NEK6: variants seen among roughly 807,000 people sequenced by gnomAD.
NEK6 encodes serine/threonine-protein kinase Nek6.
Under a neutral mutation model 43.5 loss-of-function variants are expected in NEK6, and 27 were observed. That is an observed-to-expected ratio of 0.62 (90% CI 0.46 to 0.86). The LOEUF (loss-of-function observed/expected upper bound fraction) is 0.86, where lower values mean the gene tolerates loss of function less well. Ranked by LOEUF, NEK6 falls within the 40% of genes least tolerant of loss-of-function variation. The pLI is 0.00. For synonymous variants in NEK6, 167 were observed against 164.1 expected (o/e 1.02, Z -0.14); for missense variants, 318 against 414.4 (o/e 0.77, Z 2.02).
chr9:124,348,563 TCA>T (rs1334013992), intron 9 of NEK6, among the ~76,000 whole-genome samples: 2 of 152,176 alleles, frequency 1.3e-5, no homozygotes, highest in Admixed American at 6.5e-5. Flanking sequence ...TCCCTGAGTC[TCA>T]GTTTCCTCAC....
chr9:124,277,891 G>T (rs1013191281), intron 1 of NEK6, among the ~76,000 whole-genome samples: 6 of 152,178 alleles, frequency 3.9e-5, no homozygotes, highest in African/African-American at 1.4e-4. Flanking sequence ...GCATCGTGTT[G>T]TCCCTGTGAC....
Position 124,326,318 on chromosome 9 carries a change from C to T in NEK6, c.406-12C>T, listed in dbSNP as rs1331442685. Reference sequence around the variant, plus strand: ...CCCGGGCCTATCCCTCTGCTTGTCTCCCCCACTGCAGTACTTTAAGAAGCA... The same window carrying T: ...CCCGGGCCTATCCCTCTGCTTGTCTTCCCCACTGCAGTACTTTAAGAAGCA... On this transcript the variant is annotated splice_polypyrimidine_tract_variant and intron_variant, in intron 5 of 9. Coordinates refer to ENST00000320246, the MANE Select transcript of NEK6 (RefSeq NM_014397.6). The surrounding 1 kb of genome is among the most constrained non-coding windows in gnomAD (Gnocchi z 4.5). 3 of 1,600,020 alleles carry T rather than the reference C, an allele frequency of 1.9e-6. No homozygotes were observed. Among genetic ancestry groups the T allele is most frequent in the Non-Finnish European group, 2.6e-6 (3 of 1,171,378 alleles).
intron 7 of NEK6, among the ~76,000 whole-genome samples, chr9:124,336,392 C>T (rs1179984776): frequency 6.6e-6 from 1 of 152,174 alleles, no homozygotes; most frequent in Non-Finnish European, 1.5e-5. Flanking sequence ...TAGTGACTGA[C>T]ACTAAATGGT....
chr9:124,335,672 A>T (rs970633521), intron 7 of NEK6, among the ~76,000 whole-genome samples: 1 of 152,232 alleles, frequency 6.6e-6, no homozygotes, highest in African/African-American at 2.4e-5. Context: ...GGCACCCACT[A>T]TGAGCCGTCC....
At chr9:124,272,751 T>C (rs1026987898) in intron 1 of NEK6, among the ~76,000 whole-genome samples, 2 of 152,202 alleles carry the variant, frequency 1.3e-5, no homozygotes, top group Non-Finnish European at 2.9e-5. Flanking sequence ...CGACCTCTCT[T>C]GGTGACCTTG....
intron 5 of NEK6, among the ~76,000 whole-genome samples, chr9:124,325,885 C>T (rs1477276578): frequency 2.6e-5 from 4 of 152,228 alleles, no homozygotes; most frequent in Non-Finnish European, 5.9e-5. Context: ...TTAACCACCA[C>T]GTGTGTCCTG....
intron 1 of NEK6, among the ~76,000 whole-genome samples, chr9:124,291,155 G>T (rs969158389): frequency 6.6e-6 from 1 of 152,118 alleles, no homozygotes; most frequent in Non-Finnish European, 1.5e-5. Context: ...AGCACCCCGG[G>T]CAGTAGATAC....
rs770461724 is a variant in NEK6, at chr9:124,302,072, G to A, written c.90+18G>A. On this transcript the variant is annotated intron_variant, in intron 2 of 9. Coordinates refer to ENST00000320246, the MANE Select transcript of NEK6 (RefSeq NM_014397.6). ...ACCCACAGGTAAGCCCCTTACCTTT[G>A]TCTGCAGCACACTGAAGAGTTCCCA... The A allele has an allele frequency of 2.6e-6, 4 of 1,557,732 alleles. No individual in the cohort carries two copies. Among genetic ancestry groups the A allele is most frequent in the Non-Finnish European group, 3.5e-6 (4 of 1,141,006 alleles).
At chr9:124,312,456 A>C in intron 2 of NEK6, 53 bp from the exon 3 acceptor site, 41 of 1,579,052 alleles carry the variant, frequency 2.6e-5, no homozygotes, top group Non-Finnish European at 3.5e-5. Flanking sequence ...GGTCGTCCCC[A>C]GGCCTCTGCT....
At chr9:124,262,868 A>T (rs962761720) in intron 1 of NEK6, 1 of 152,276 alleles carries the variant, frequency 6.6e-6, no homozygotes, top group Non-Finnish European at 1.5e-5. Context: ...TGCCATTCAG[A>T]GCCTGCAGTG....
At chr9:124,274,302 T>C (rs1331089123) in intron 1 of NEK6, among the ~76,000 whole-genome samples, 1 of 152,244 alleles carries the variant, frequency 6.6e-6, no homozygotes, top group African/African-American at 2.4e-5. Flanking sequence ...GCTTGACACC[T>C]GTGTACCACA....
At chr9:124,295,041 A>G (rs1032753967) in intron 1 of NEK6, among the ~76,000 whole-genome samples, 12 of 152,188 alleles carry the variant, frequency 7.9e-5, no homozygotes, top group African/African-American at 2.9e-4. Context: ...CTGGGTGGGC[A>G]CCGTGTGGCC....
intron 4 of NEK6, 56 bp downstream of exon 4, chr9:124,314,041 C>T (rs1833691410): frequency 4.0e-6 from 6 of 1,517,452 alleles, no homozygotes; most frequent in African/African-American, 1.4e-5. Flanking sequence ...TCTGGGGCCG[C>T]GGCTGGGCCA....
intron 8 of NEK6, 106 bp downstream of exon 8, chr9:124,339,771 T>TCACGTC: frequency 1.2e-6 from 1 of 821,222 alleles, no homozygotes; most frequent in Non-Finnish European, 2.1e-6. Context: ...CCCAGGAATG[T>TCACGTC]CACGTCTGCC....
chr9:124,291,746 C>A, intron 1 of NEK6: 1 of 885,504 alleles, frequency 1.1e-6, no homozygotes. Flanking sequence ...CCTTGTCCCT[C>A]CCTGAGCCTA....
intron 1 of NEK6, among the ~76,000 whole-genome samples, chr9:124,285,215 C>T (rs1832100087): frequency 6.6e-6 from 1 of 152,234 alleles, no homozygotes; most frequent in Non-Finnish European, 1.5e-5. Context: ...CCTTTGAGCC[C>T]TCCATGCGGG....
rs1829771579 is a variant in NEK6 at position 124,343,672 on chromosome 9, C to T, written c.717+4007C>T. ...GTCACGCCCGGAGCCTCCCGCCCCACAGCCTGTGGTGTCTTCCAGGGGCAC... is the reference window on the plus strand; with the variant it reads ...GTCACGCCCGGAGCCTCCCGCCCCATAGCCTGTGGTGTCTTCCAGGGGCAC... On this transcript the variant is annotated intron_variant, in intron 8 of 9. Transcript: ENST00000320246. The surrounding 1 kb of genome is among the most constrained non-coding windows in gnomAD (Gnocchi z 5.1). Among the ~76,000 whole-genome samples, 1 of 152,234 alleles carries T rather than the reference C, an allele frequency of 6.6e-6. No homozygotes were observed. Among genetic ancestry groups the T allele is most frequent in the African/African-American group, 2.4e-5 (1 of 41,458 alleles).
rs757784107 is a variant in NEK6 at position 124,313,949 on chromosome 9, G to A, written c.258G>A (p.Ala86=). The A allele has an allele frequency of 8.7e-6, 14 of 1,614,082 alleles. No individual in the cohort carries two copies. The highest frequency in any genetic ancestry group is 2.2e-5 in the East Asian group (1 of 44,890). The change falls in exon 4 of 10, where the codon GCG becomes GCA. Residue 86 remains alanine, a synonymous_variant. Transcript: ENST00000320246. ...VQIFEMMDAK[A]RQDCVKEIGL... Reference sequence around the variant, plus strand: ...TCTTTGAGATGATGGACGCCAAGGCGAGGCAGGACTGTGTCAAGGAGATCG... The same window carrying A: ...TCTTTGAGATGATGGACGCCAAGGCAAGGCAGGACTGTGTCAAGGAGATCG...
chr9:124,329,907 C>T (rs1828878376), intron 7 of NEK6, among the ~76,000 whole-genome samples: 2 of 152,268 alleles, frequency 1.3e-5, no homozygotes, highest in African/African-American at 4.8e-5. Flanking sequence ...ACTTCACGCC[C>T]TGTGCGTGGG....
Sources: allele counts gnomAD v4.1 joint callset (sites outside exome capture counted in the v4.1 genomes callset), GRCh38; gene constraint gnomAD v4.1.1; non-coding constraint Gnocchi (gnomAD v3.1); transcripts MANE v1.5; gene names NCBI Gene and HGNC (gene_info 2026-07-23, HGNC 2026-07-21).